The following DHRSX variants were observed in gnomAD, a reference collection of about 807,000 sequenced individuals.
DHRSX encodes dehydrogenase/reductase X-linked.
In DHRSX, 31 loss-of-function variants were observed where a neutral mutation model predicts 34.0. The observed-to-expected ratio is 0.91, with a 90% CI of 0.69 to 1.23. The LOEUF (loss-of-function observed/expected upper bound fraction) is 1.23. Among genes scored for constraint, DHRSX ranks in the 50% most tolerant of loss-of-function variants. The pLI is 0.00. For synonymous variants in DHRSX, 201 were observed against 183.8 expected, an observed-to-expected ratio of 1.09 and a Z score of -0.76; for missense variants, 414 against 428.1, an observed-to-expected ratio of 0.97 and a Z score of 0.29.
chrX:2,286,405 C>T (rs1398606536), intron 4 of DHRSX, among the ~76,000 whole-genome samples: 1 of 152,220 alleles, frequency 6.6e-6, no homozygotes, highest in Non-Finnish European at 1.5e-5. Context: ...TGAATCCATT[C>T]TCAGCATAGA....
chrX:2,249,513 C>CTTTTTTTTTTTTT (rs753035485), intron 5 of DHRSX, among the ~76,000 whole-genome samples: 14 of 70,194 alleles, frequency 2.0e-4, no homozygotes, highest in African/African-American at 6.2e-4. Context: ...CTTTTTGTGC[C>CTTTTTTTTTTTTT]TTTTTTTTTT....
At chrX:2,445,079 C>A (rs1275062894) in intron 1 of DHRSX, among the ~76,000 whole-genome samples, 4 of 152,048 alleles carry the variant, frequency 2.6e-5, no homozygotes, top group Non-Finnish European at 5.9e-5. Flanking sequence ...ATTGCTTGAA[C>A]CCAGGAGGTA....
intron 6 of DHRSX, among the ~76,000 whole-genome samples, chrX:2,229,606 ATGTG>A (rs968010297): frequency 3.9e-4 from 60 of 151,962 alleles, no homozygotes; most frequent in Non-Finnish European, 2.8e-4. Context: ...ATTTATGTGG[ATGTG>A]TGTGTACTTG....
At chrX:2,459,976 C>T (rs2044380193) in intron 1 of DHRSX, among the ~76,000 whole-genome samples, 1 of 151,978 alleles carries the variant, frequency 6.6e-6, no homozygotes, top group Non-Finnish European at 1.5e-5. Context: ...GGTGTGGTGG[C>T]GGGCGACTGT....
intron 3 of DHRSX, among the ~76,000 whole-genome samples, chrX:2,357,766 C>A (rs1418094049): frequency 6.7e-6 from 1 of 150,302 alleles, no homozygotes; most frequent in Non-Finnish European, 1.5e-5. Context: ...CACACACACA[C>A]ACTACAGCAA....
intron 1 of DHRSX, among the ~76,000 whole-genome samples, chrX:2,432,363 C>T (rs746385185): frequency 1.3e-5 from 2 of 152,126 alleles, no homozygotes; most frequent in East Asian, 3.9e-4. Context: ...CTGGACGAAT[C>T]GATTCGAAAA....
intron 6 of DHRSX, among the ~76,000 whole-genome samples, chrX:2,237,379 C>T (rs1469196073): frequency 6.6e-6 from 1 of 152,016 alleles, no homozygotes; most frequent in Non-Finnish European, 1.5e-5. Context: ...GAAGTGGGCG[C>T]AGTCTACACT....
chrX:2,485,331 C>A (rs142076512), intron 1 of DHRSX, among the ~76,000 whole-genome samples: 14 of 151,884 alleles, frequency 9.2e-5, no homozygotes, highest in Non-Finnish European at 1.5e-4. Context: ...CAACCCAAAA[C>A]GTGCAAGAAA....
intron 3 of DHRSX, among the ~76,000 whole-genome samples, chrX:2,366,649 G>C (rs372075942): frequency 6.6e-6 from 1 of 152,002 alleles, no homozygotes; most frequent in South Asian, 2.1e-4. Flanking sequence ...CCAGGCTGAA[G>C]AGCAGTGGAG....
At chrX:2,434,642 G>A (rs2043971224) in intron 1 of DHRSX, among the ~76,000 whole-genome samples, 1 of 152,218 alleles carries the variant, frequency 6.6e-6, no homozygotes, top group Non-Finnish European at 1.5e-5. Context: ...CTGCACTCCA[G>A]CCTGGGTGAC....
chrX:2,233,657 G>A (rs185903346), intron 6 of DHRSX, among the ~76,000 whole-genome samples: 6 of 152,146 alleles, frequency 3.9e-5, no homozygotes, highest in South Asian at 2.1e-4. Context: ...ATGCTCACCC[G>A]TATTTTGCCA....
chrX:2,282,767 AGCGAGGGAGG>A (rs2041734392), intron 4 of DHRSX, among the ~76,000 whole-genome samples: 1 of 43,486 alleles, frequency 2.3e-5, no homozygotes, highest in Non-Finnish European at 5.3e-5. Flanking sequence ...GAGGGGAGAA[AGCGAGGGAGG>A]GAGGGGGAGA....
chrX:2,365,438 C>A (rs1005356977), intron 3 of DHRSX, among the ~76,000 whole-genome samples: 4 of 152,128 alleles, frequency 2.6e-5, no homozygotes, highest in Admixed American at 2.6e-4. Context: ...CCGTGCCTGG[C>A]CAGGTTTTGG....
chrX:2,379,396 T>C (rs2043178155), intron 3 of DHRSX, among the ~76,000 whole-genome samples: 1 of 152,156 alleles, frequency 6.6e-6, no homozygotes, highest in African/African-American at 2.4e-5. Context: ...TAGTCCTACA[T>C]GGCAAACAAA....
intron 1 of DHRSX, 53 bp downstream of exon 1, chrX:2,500,748 CCCCGCCCCCGAGCCAG>C: frequency 1.3e-6 from 1 of 781,376 alleles, no homozygotes; most frequent in Non-Finnish European, 1.6e-6. Context: ...GCCCCCGCGC[CCCCGCCCCCGAGCCAG>C]CCCGCGCCCA....
chrX:2,350,678 T>C (rs2042778632), intron 3 of DHRSX, among the ~76,000 whole-genome samples: 1 of 152,192 alleles, frequency 6.6e-6, no homozygotes, highest in East Asian at 1.9e-4. Context: ...CCACAGCAGT[T>C]GTGCCTAGAG....
At chrX:2,453,182 G>C (rs2044248885) in intron 1 of DHRSX, among the ~76,000 whole-genome samples, 1 of 152,150 alleles carries the variant, frequency 6.6e-6, no homozygotes, top group Non-Finnish European at 1.5e-5. Flanking sequence ...CATAAATGCA[G>C]AGGGTACAAT....
At chrX:2,360,946 T>C (rs1411479228) in intron 3 of DHRSX, among the ~76,000 whole-genome samples, 1 of 152,040 alleles carries the variant, frequency 6.6e-6, no homozygotes, top group African/African-American at 2.4e-5. Context: ...GGAGCTGGAA[T>C]TTGGGGAATG....
intron 1 of DHRSX, chrX:2,489,771 T>TGCGGCAGCGCG: frequency 6.2e-7 from 1 of 1,613,370 alleles, no homozygotes; most frequent in Non-Finnish European, 8.5e-7. Context: ...TCCACCAGTT[T>TGCGGCAGCGCG]GCGGCAGCGC....
Sources: allele counts gnomAD v4.1 joint callset (sites outside exome capture counted in the v4.1 genomes callset), GRCh38; gene constraint gnomAD v4.1.1; transcripts MANE v1.5; gene names NCBI Gene and HGNC (gene_info 2026-07-23, HGNC 2026-07-21).